Variants in TPO observed in about 807,000 individuals in gnomAD.
TPO encodes the protein thyroid peroxidase.
A neutral mutation model predicts 96.9 loss-of-function variants in TPO; 78 were observed. The ratio of observed to expected loss-of-function variants is 0.81; its 90% CI spans 0.67 to 0.97. The LOEUF (loss-of-function observed/expected upper bound fraction) is 0.97, where lower values mean the gene tolerates loss of function less well. Ranked by LOEUF, TPO falls within the 50% of genes least tolerant of loss-of-function variation. TPO has a pLI of 0.00. For missense variants in TPO, 1,252 were observed against 1,274.8 expected (o/e 0.98, Z 0.27); for synonymous variants, 547 against 538.0 (o/e 1.02, Z -0.23).
At chr2:1,448,314 T>C (rs1257746008) in intron 5 of TPO, among the ~76,000 whole-genome samples, 2 of 152,184 alleles carry the variant, frequency 1.3e-5, no homozygotes, top group Non-Finnish European at 2.9e-5. Context: ...CCTGCACGCA[T>C]CGGCTGGGCT....
Position 1,503,941 on chromosome 2 carries a change from C to T in TPO, c.2387-7C>T, listed in dbSNP as rs755614610. On this transcript the variant is annotated splice_region_variant and splice_polypyrimidine_tract_variant and intron_variant, in intron 13 of 16. Transcript: ENST00000329066. Reference sequence around the variant, plus strand: ...CTCTCACGTGTGTGGCCTTGTGTGTCTGGCAGATGTGAACGAGTGTGCAGA... The same window carrying T: ...CTCTCACGTGTGTGGCCTTGTGTGTTTGGCAGATGTGAACGAGTGTGCAGA... 6.2e-7 allele frequency: 1 copy of T among 1,614,160 alleles called. No individual in the cohort carries two copies. The highest frequency in any genetic ancestry group is 1.1e-5 in the South Asian group (1 of 91,086).
Position 1,504,119 on chromosome 2 carries a change from A to G in TPO, c.2518+40A>G, listed in dbSNP as rs1673167635. The G allele has an allele frequency of 2.5e-6, 4 of 1,612,346 alleles. No individual in the cohort carries two copies. In the East Asian group the frequency reaches 8.9e-5, roughly 36 times the overall value. ...CTCTCTCTCTGTCCGTCCATTTGCG[A>G]GTTTTTGTAAAATGAAGAAAAGTGT... On this transcript the variant is annotated intron_variant, in intron 14 of 16. Coordinates refer to ENST00000329066, the MANE Select transcript of TPO (RefSeq NM_001206744.2).
chr2:1,462,425 A>G (rs571999756), intron 7 of TPO, among the ~76,000 whole-genome samples: 1 of 152,318 alleles, frequency 6.6e-6, no homozygotes, highest in Admixed American at 6.5e-5. Context: ...GAGCTCTTAT[A>G]AAGCAATGAG....
chr2:1,462,517 A>AACAC (rs35553172), intron 7 of TPO, among the ~76,000 whole-genome samples: 23 of 131,626 alleles, frequency 1.7e-4, no homozygotes, highest in South Asian at 7.4e-4. Context: ...TGTGTAGGTA[A>AACAC]ACACACACAC....
At chr2:1,517,256 A>G (rs944676726) in intron 15 of TPO, among the ~76,000 whole-genome samples, 1 of 152,210 alleles carries the variant, frequency 6.6e-6, no homozygotes, top group Non-Finnish European at 1.5e-5. Flanking sequence ...CTTTTCTAAC[A>G]CTAAATGATT....
At chr2:1,518,294 T>C (rs1674922009) in intron 15 of TPO, among the ~76,000 whole-genome samples, 1 of 152,216 alleles carries the variant, frequency 6.6e-6, no homozygotes, top group African/African-American at 2.4e-5. Flanking sequence ...TTTCTTACAG[T>C]CTTTGCACCT....
At chr2:1,530,515 TC>T (rs1677857213) in intron 15 of TPO, among the ~76,000 whole-genome samples, 4 of 17,562 alleles carry the variant, frequency 2.3e-4, no homozygotes, top group African/African-American at 2.6e-4. Context: ...TCCCCAAATC[TC>T]CCCCACTCTG....
At chr2:1,455,961 G>A (rs1667745646) in intron 6 of TPO, 115 bp from the exon 7 acceptor site, 3 of 1,029,294 alleles carry the variant, frequency 2.9e-6, no homozygotes. Flanking sequence ...TCTCCTAGGG[G>A]CACCTGGAGC....
chr2:1,441,811 G>A (rs570480674), intron 5 of TPO, among the ~76,000 whole-genome samples: 237 of 152,296 alleles, frequency 1.6e-3, no homozygotes, highest in Non-Finnish European at 2.9e-3. Context: ...GGGTTTTAGT[G>A]TGTAGCTTGG....
At chr2:1,435,386 C>T (rs147933245) in intron 4 of TPO, among the ~76,000 whole-genome samples, 208 of 152,330 alleles carry the variant, frequency 1.4e-3, no homozygotes, top group Non-Finnish European at 2.5e-3. Flanking sequence ...TAACTGTTCC[C>T]ATAGAGCCAT....
At chr2:1,479,094 T>G (rs540309050) in intron 8 of TPO, among the ~76,000 whole-genome samples, 16 of 152,340 alleles carry the variant, frequency 1.1e-4, no homozygotes, top group African/African-American at 3.8e-4. Flanking sequence ...ACTCAGACAC[T>G]TTCCTGCTTC....
At chr2:1,451,149 C>A (rs761359059) in intron 5 of TPO, among the ~76,000 whole-genome samples, 1 of 152,172 alleles carries the variant, frequency 6.6e-6, no homozygotes, top group Non-Finnish European at 1.5e-5. Flanking sequence ...CTCCTCTCCT[C>A]TAATGTACGG....
At position 1,453,843 on chromosome 2, in the gene TPO, C is replaced by T; in HGVS notation, c.612+20C>T. The T allele has an allele frequency of 2.5e-6, 4 of 1,613,534 alleles. No individual in the cohort carries two copies. In the South Asian group the frequency reaches 4.4e-5, roughly 18 times the overall value. ...CCCCCGGTGGGTACTCAGAACGCTACTATCCTGGACTAAGATTGGGTCCTG... is the reference window on the plus strand; with the variant it reads ...CCCCCGGTGGGTACTCAGAACGCTATTATCCTGGACTAAGATTGGGTCCTG... On this transcript the variant is annotated intron_variant, in intron 6 of 16. Transcript: ENST00000329066.
At chr2:1,475,943 C>T (rs1669886319) in intron 7 of TPO, among the ~76,000 whole-genome samples, 1 of 149,040 alleles carries the variant, frequency 6.7e-6, no homozygotes, top group African/African-American at 2.5e-5. Context: ...CTCCCTCTCA[C>T]CTACATTCTT....
chr2:1,439,669 G>A (rs1665952956), intron 5 of TPO, among the ~76,000 whole-genome samples: 1 of 152,036 alleles, frequency 6.6e-6, no homozygotes, highest in South Asian at 2.1e-4. Context: ...ACCCCAGGTC[G>A]CTGCTGTCTC....
intron 7 of TPO, among the ~76,000 whole-genome samples, chr2:1,474,292 T>C (rs1669702541): frequency 6.6e-6 from 1 of 152,222 alleles, no homozygotes; most frequent in Non-Finnish European, 1.5e-5. Context: ...AACTCTATTC[T>C]CCAACACGGA....
chr2:1,450,895 A>G (rs546322347), intron 5 of TPO, among the ~76,000 whole-genome samples: 36 of 152,332 alleles, frequency 2.4e-4, no homozygotes, highest in African/African-American at 7.5e-4. Flanking sequence ...AATCTTTCCA[A>G]TCTTCAGTTG....
At chr2:1,438,417 C>T (rs954575501) in intron 5 of TPO, among the ~76,000 whole-genome samples, 6 of 152,166 alleles carry the variant, frequency 3.9e-5, no homozygotes, top group Non-Finnish European at 7.4e-5. Context: ...CAGAGGGGTC[C>T]GTGATGGAGC....
rs35109677 is a variant in TPO at position 1,380,393 on chromosome 2, CAAAA to C, written n.180+6007_180+6010del. Among the ~76,000 whole-genome samples the C allele has an allele frequency of 5.3e-4, 50 of 94,934 alleles. No homozygotes were observed. In the East Asian group the frequency reaches 0.011, roughly 21 times the overall value. The allele number at this position is 94,934 out of a possible 152,430, so 62.3% of individuals were successfully genotyped here. ...TGGGCGACAGAGCGAGACTCTGTCT[CAAAA>C]AAAAAAAAAAAAAAAGTCTATTTTA... On this transcript the variant is annotated intron_variant and non_coding_transcript_variant, in intron 1 of 5. Transcript: ENST00000497517.
Sources: gnomAD v4.1 joint callset for allele counts (sites outside exome capture counted in the v4.1 genomes callset) on GRCh38, gnomAD v4.1.1 for gene constraint, MANE v1.5 for transcripts, NCBI Gene and HGNC (gene_info 2026-07-23, HGNC 2026-07-21) for gene names.